The following CNGB1 variants were observed in gnomAD, a reference collection of about 807,000 sequenced individuals.
The protein encoded by CNGB1 is cyclic nucleotide-gated channel beta-1.
CNGB1 carries 126 observed loss-of-function variants against 151.7 expected under a neutral mutation model. That is an observed-to-expected ratio of 0.83 (90% CI 0.72 to 0.96). CNGB1 has a LOEUF of 0.96. CNGB1 is among the 40% of genes least tolerant of loss of function. The pLI is 0.00. For missense variants in CNGB1, 1,698 were observed against 1,627.0 expected (o/e 1.04, Z -0.75); for synonymous variants, 623 against 635.1 (o/e 0.98, Z 0.29).
chr16:57,908,750 C>A (rs1273893738), intron 25 of CNGB1, among the ~76,000 whole-genome samples: 1 of 152,204 alleles, frequency 6.6e-6, no homozygotes, highest in Admixed American at 6.5e-5. Flanking sequence ...AGCCCCCATC[C>A]TGTGCGCATC....
chr16:57,913,018 A>G, intron 23 of CNGB1, 24 bp from the exon 24 acceptor site: 1 of 1,612,832 alleles, frequency 6.2e-7, no homozygotes. Flanking sequence ...AGGGCGTGAG[A>G]GCAGCCCACC....
intron 12 of CNGB1, among the ~76,000 whole-genome samples, chr16:57,954,478 T>TA (rs1962034976): frequency 6.6e-6 from 1 of 152,104 alleles, no homozygotes; most frequent in African/African-American, 2.4e-5. Context: ...TTCTAATTTT[T>TA]AAAATCACTC....
chr16:57,888,010 C>A lies in CNGB1; in HGVS notation c.3307G>T (p.Ala1103Ser). 1 of 1,614,174 alleles carries A rather than the reference C, an allele frequency of 6.2e-7. No homozygotes were observed. Among genetic ancestry groups the A allele is most frequent in the Non-Finnish European group, 8.5e-7 (1 of 1,180,034 alleles). ...EKSVLILPPR[A>S]GTPKLFNAAL... ...GCGTTGAAGAGCTTTGGGGTGCCCGCCCGGGGTGGAAGGATCAGCACGCTC... is the reference window on the plus strand; with the variant it reads ...GCGTTGAAGAGCTTTGGGGTGCCCGACCGGGGTGGAAGGATCAGCACGCTC... Residue 1103 changes from alanine (A) to serine (S), a missense_variant, in exon 32 of 33, where the codon GCG (alanine) becomes TCG (serine). Coordinates refer to ENST00000251102, the MANE Select transcript of CNGB1 (RefSeq NM_001297.5).
At position 57,882,489 on chromosome 16, in the gene CNGB1, T is replaced by C. The variant is rs1169306349; in HGVS notation, c.*1675A>G. The C allele has an allele frequency of 1.3e-5, 2 of 152,188 alleles. No individual in the cohort carries two copies. The highest frequency in any genetic ancestry group is 3.8e-4 in the East Asian group (2 of 5,200). The allele number at this position is 152,188 out of a possible 1,614,324, so 9.4% of individuals were successfully genotyped here. A position where few individuals can be genotyped will look rare whatever the true frequency, so the allele number is the denominator to read the frequency against. On this transcript the variant is annotated 3_prime_UTR_variant, in exon 33 of 33. Transcript: ENST00000251102. ...ACCAGCCTGGGGACTCCCACATTCTTTCATTTTTCCACAGTGGAAATGAAT... is the reference window on the plus strand; with the variant it reads ...ACCAGCCTGGGGACTCCCACATTCTCTCATTTTTCCACAGTGGAAATGAAT...
chr16:57,920,628 T>C (rs1317853237), intron 18 of CNGB1, 84 bp from the exon 19 acceptor site: 16 of 1,548,790 alleles, frequency 1.0e-5, no homozygotes, highest in Admixed American at 1.7e-5. Context: ...AGCGTCTGTG[T>C]CCCACCTTCT....
intron 32 of CNGB1, among the ~76,000 whole-genome samples, 182 bp downstream of exon 32, chr16:57,887,673 C>T (rs112145263): frequency 3.3e-5 from 5 of 152,306 alleles, no homozygotes; most frequent in South Asian, 2.1e-4. Flanking sequence ...CCCTAATTCC[C>T]GTTTTTCTCA....
In CNGB1 at chr16:57,883,493, A is replaced by G. The variant is rs1426527925; in HGVS notation, c.*671T>C. On this transcript the variant is annotated 3_prime_UTR_variant, in exon 33 of 33. Transcript: ENST00000251102. ...CTGTGTCCAGCTCACTGCAGCCAGA[A>G]ACTCCTGGGCTCAAGCCATCCTCCT... 12 of 156,824 alleles carry G rather than the reference A, an allele frequency of 7.7e-5. No homozygotes were observed. Among genetic ancestry groups the G allele is most frequent in the African/African-American group, 2.7e-4 (11 of 41,428 alleles). 9.7% of individuals were successfully genotyped at this position (156,824 alleles called of 1,614,324 possible). A position where few individuals can be genotyped will look rare whatever the true frequency, so the allele number is the denominator to read the frequency against.
chr16:57,906,245 TG>T (rs1268247415), intron 25 of CNGB1, among the ~76,000 whole-genome samples: 5 of 152,186 alleles, frequency 3.3e-5, no homozygotes, highest in African/African-American at 1.2e-4. Context: ...CTCCATAAGA[TG>T]GGGATGGCAA....
At chr16:57,892,151 A>G (rs923630970) in intron 31 of CNGB1, among the ~76,000 whole-genome samples, 10 of 151,962 alleles carry the variant, frequency 6.6e-5, no homozygotes, top group Non-Finnish European at 1.2e-4. Context: ...TAAAACCACA[A>G]GACAGAACAG....
chr16:57,962,805 C>G, intron 6 of CNGB1, 37 bp downstream of exon 6: 1 of 1,611,654 alleles, frequency 6.2e-7, no homozygotes, highest in Non-Finnish European at 8.5e-7. Flanking sequence ...GCCCCTCAGC[C>G]CTGCTGCTGA....
chr16:57,928,598 AT>A (rs1401800749), intron 17 of CNGB1, among the ~76,000 whole-genome samples: 25 of 151,968 alleles, frequency 1.6e-4, no homozygotes, highest in Admixed American at 1.6e-3. Flanking sequence ...GTAGATGATT[AT>A]TTTTCTAGTG....
At chr16:57,918,741 C>T (rs1371840553) in intron 20 of CNGB1, among the ~76,000 whole-genome samples, 4 of 152,124 alleles carry the variant, frequency 2.6e-5, no homozygotes, top group African/African-American at 7.2e-5. Context: ...ACTCTGTCAC[C>T]TAGGTTGGAA....
At chr16:57,932,295 C>A (rs1164613480) in intron 16 of CNGB1, among the ~76,000 whole-genome samples, 1 of 152,186 alleles carries the variant, frequency 6.6e-6, no homozygotes, top group African/African-American at 2.4e-5. Flanking sequence ...TCAGCTGCTT[C>A]CCCTCTCTGA....
chr16:57,909,958 T>TTC, intron 25 of CNGB1, among the ~76,000 whole-genome samples: 1 of 152,234 alleles, frequency 6.6e-6, no homozygotes, highest in Admixed American at 6.5e-5. Context: ...AATTACTGTG[T>TTC]TCAGTGCTTT....
chr16:57,918,193 T>C (rs1960931520), intron 20 of CNGB1, among the ~76,000 whole-genome samples: 1 of 152,012 alleles, frequency 6.6e-6, no homozygotes, highest in African/African-American at 2.4e-5. Flanking sequence ...CAGGCTGATC[T>C]TGAACTCCTG....
chr16:57,954,816 C>A, intron 12 of CNGB1: 8 of 990,440 alleles, frequency 8.1e-6, no homozygotes, highest in Non-Finnish European at 9.6e-6. Context: ...TGTCGAGGTG[C>A]TGACGGTGCC....
At chr16:57,961,977 T>A (rs751390054) in intron 7 of CNGB1, among the ~76,000 whole-genome samples, 3 of 150,138 alleles carry the variant, frequency 2.0e-5, no homozygotes, top group Non-Finnish European at 3.0e-5. Flanking sequence ...AAATTGAGGG[T>A]TTTACATAAA....
intron 31 of CNGB1, among the ~76,000 whole-genome samples, chr16:57,895,742 A>G (rs1960205852): frequency 6.6e-6 from 1 of 152,008 alleles, no homozygotes; most frequent in Admixed American, 6.6e-5. Context: ...CATTTCCAGG[A>G]TACTGCAAGG....
rs879734455 is a variant in CNGB1, at chr16:57,931,157, GT to G, written c.1535+558del. ...TATTTATTTATTTTAAATTTAAAAA[GT>G]TTTTTTTTTTTATTTTTTGAGACAG... On this transcript the variant is annotated intron_variant, in intron 17 of 32. Transcript: ENST00000251102. 4.7e-3 allele frequency among the ~76,000 whole-genome samples: 680 copies of G among 145,528 alleles called. 3 individuals carry two copies. The highest frequency in any genetic ancestry group is 0.014 in the African/African-American group (552 of 40,032).
Sources: gnomAD v4.1 joint callset for allele counts (sites outside exome capture counted in the v4.1 genomes callset) on GRCh38, gnomAD v4.1.1 for gene constraint, MANE v1.5 for transcripts, NCBI Gene and HGNC (gene_info 2026-07-23, HGNC 2026-07-21) for gene names.